The following SEPTIN3 variants were observed in gnomAD, a reference collection of about 807,000 sequenced individuals.
The protein encoded by SEPTIN3 is septin 3.
A neutral mutation model predicts 45.1 loss-of-function variants in SEPTIN3; 15 were observed. The observed-to-expected ratio is 0.33, with a 90% confidence interval of 0.22 to 0.51. The LOEUF is 0.51. Among genes scored for constraint, SEPTIN3 ranks in the 20% least tolerant of loss-of-function variants. SEPTIN3 has a pLI of 0.97. For synonymous variants in SEPTIN3, 148 were observed against 164.8 expected, an observed-to-expected ratio of 0.90 and a Z score of 0.78; for missense variants, 289 against 457.2, an observed-to-expected ratio of 0.63 and a Z score of 3.35.
chr22:41,996,389 C>T (rs1392197542), intron 11 of SEPTIN3: 2 of 985,798 alleles, frequency 2.0e-6, no homozygotes, highest in Non-Finnish European at 2.4e-6. Context: ...GTCCCATCTC[C>T]TGGTTCAGCC....
intron 2 of SEPTIN3, chr22:41,977,060 G>A: frequency 6.2e-7 from 1 of 1,601,998 alleles, no homozygotes; most frequent in African/African-American, 1.3e-5. Context: ...GACAAAGGAG[G>A]ATTCATGTCC....
intron 3 of SEPTIN3, among the ~76,000 whole-genome samples, chr22:41,983,882 G>A (rs545116323): frequency 6.6e-5 from 10 of 152,278 alleles, no homozygotes; most frequent in Middle Eastern, 3.4e-3. Context: ...CTCCTTGAGG[G>A]TAAGGATCAT....
At chr22:41,971,172 G>A (rs746465241) in intron 1 of SEPTIN3, among the ~76,000 whole-genome samples, 2 of 152,146 alleles carry the variant, frequency 1.3e-5, no homozygotes, top group Non-Finnish European at 2.9e-5. Flanking sequence ...AAAGGGAGAC[G>A]TAAGCCCAGC....
intron 11 of SEPTIN3, chr22:41,996,430 A>T: frequency 1.0e-6 from 1 of 987,008 alleles, no homozygotes; most frequent in Non-Finnish European, 1.2e-6. Context: ...TATGAATCCC[A>T]GCACTTATAA....
At chr22:41,975,698 C>T (rs769015840) in intron 2 of SEPTIN3, among the ~76,000 whole-genome samples, 12 of 152,186 alleles carry the variant, frequency 7.9e-5, no homozygotes, top group Non-Finnish European at 1.3e-4. Context: ...TTCCTCATCT[C>T]TCTCTTGCCA....
In SEPTIN3 at chr22:41,995,574, T is replaced by C. The variant is rs187983587; in HGVS notation, c.2505+860T>C. The stretch of plus-strand genomic sequence containing the variant: ...GTGTCTCTGACATCTCTCACTTCCT[T>C]TTAGATGAATCTACTTTAGGTTCAT... On this transcript the variant is annotated intron_variant, in intron 11 of 11. Coordinates refer to ENST00000644076, the MANE Select transcript of SEPTIN3 (RefSeq NM_001363845.2). 182 of 985,472 alleles carry C rather than the reference T, an allele frequency of 1.8e-4. 1 individual carries two copies. The highest frequency in any genetic ancestry group is 4.8e-6 in the Non-Finnish European group (4 of 829,924). 61.0% of individuals were successfully genotyped at this position (985,472 alleles called of 1,614,324 possible). A position where few individuals can be genotyped will look rare whatever the true frequency, so the allele number is the denominator to read the frequency against.
chr22:41,991,417 C>T (rs1168605327), intron 7 of SEPTIN3, among the ~76,000 whole-genome samples, 156 bp from the exon 8 acceptor site: 2 of 152,208 alleles, frequency 1.3e-5, no homozygotes, highest in East Asian at 3.9e-4. Context: ...TATTCACCAT[C>T]TTCCTGCTGC....
chr22:41,984,845 CT>C (rs11380985), intron 3 of SEPTIN3, among the ~76,000 whole-genome samples: 2,859 of 100,084 alleles, frequency 0.029, 19 homozygotes, highest in African/African-American at 0.089. Context: ...GTGGTTTTCC[CT>C]TTTTTTTTTT....
rs757324182 is a variant in SEPTIN3, at chr22:41,994,536, T to G, written c.2412-85T>G. On this transcript the variant is annotated intron_variant, in intron 10 of 11. Coordinates refer to ENST00000644076, the MANE Select transcript of SEPTIN3 (RefSeq NM_001363845.2). This position sits in a 1 kb window ranked among gnomAD's most constrained non-coding sequence, Gnocchi z 4.2. ...CTGGGAGTGGTTCCCATTCACTGGG[T>G]CCAGTCCCTCGAAGTGATGTGTGTC... 5.3e-5 allele frequency: 84 copies of G among 1,595,364 alleles called. No individual in the cohort carries two copies. Among genetic ancestry groups the G allele is most frequent in the Non-Finnish European group, 6.9e-5 (81 of 1,169,026 alleles).
chr22:41,980,558 A>G (rs1228152026), intron 2 of SEPTIN3, among the ~76,000 whole-genome samples: 1 of 152,148 alleles, frequency 6.6e-6, no homozygotes. Flanking sequence ...CAAGTCCACA[A>G]AGCTGAGAAG....
At chr22:41,978,086 C>T (rs1392236150) in intron 2 of SEPTIN3, among the ~76,000 whole-genome samples, 1 of 152,182 alleles carries the variant, frequency 6.6e-6, no homozygotes, top group Non-Finnish European at 1.5e-5. Flanking sequence ...CCTTGGGGAG[C>T]CCCCCTCCAA....
chr22:41,986,975 C>G (rs988524566), intron 4 of SEPTIN3, among the ~76,000 whole-genome samples: 8 of 151,756 alleles, frequency 5.3e-5, no homozygotes, highest in African/African-American at 1.9e-4. Context: ...GACCCTGTCT[C>G]TTAAAAAAAA....
In SEPTIN3 at chr22:41,976,619, G is replaced by A. The variant is rs1313547310; in HGVS notation, c.1504+3623G>A. ...GGGAGCAGGTCCAGCGGGGAGAGAC[G>A]GGACTGGGATGCAGGCACCTTTCCG... On this transcript the variant is annotated intron_variant, in intron 2 of 11. Transcript: ENST00000644076. This position sits in a 1 kb window ranked among gnomAD's most constrained non-coding sequence, Gnocchi z 5.8. 6.6e-6 allele frequency: 1 copy of A among 152,164 alleles called. No homozygotes were observed. Among genetic ancestry groups the A allele is most frequent in the Non-Finnish European group, 1.5e-5 (1 of 68,036 alleles). The allele number at this position is 152,164 out of a possible 1,614,324, so 9.4% of individuals were successfully genotyped here.
chr22:41,977,241 A>G lies in SEPTIN3; in HGVS notation c.1504+4245A>G, dbSNP rs536659446. Reference sequence around the variant, plus strand: ...GGTGGCACCCACCTCGAGAGAGACAATCTTGGAGAGAGGCAGACATAGGAC... The same window carrying G: ...GGTGGCACCCACCTCGAGAGAGACAGTCTTGGAGAGAGGCAGACATAGGAC... On this transcript the variant is annotated intron_variant, in intron 2 of 11. Transcript: ENST00000644076. Among the ~76,000 whole-genome samples, 9 of 152,050 alleles carry G rather than the reference A, an allele frequency of 5.9e-5. 1 individual carries two copies. The South Asian group carries it at 6.2e-4, about 11-fold the overall frequency.
At chr22:41,987,955 T>C (rs1353042150) in intron 6 of SEPTIN3, among the ~76,000 whole-genome samples, 196 bp downstream of exon 6, 1 of 152,148 alleles carries the variant, frequency 6.6e-6, no homozygotes, top group Admixed American at 6.5e-5. Flanking sequence ...GAAGTTTGAC[T>C]TTCTTGCTAG....
rs1249270233 is a variant in SEPTIN3, at chr22:41,976,943, AGC to A, written c.1504+3951_1504+3952del. On this transcript the variant is annotated intron_variant, in intron 2 of 11. Transcript: ENST00000644076. This position sits in a 1 kb window ranked among gnomAD's most constrained non-coding sequence, Gnocchi z 5.8. ...CCGCGGGCCGGGCGGGTGGGAGGAG[AGC>A]GCGAAGGGGCGAGGCCCGTTTGCAG... is the stretch of plus-strand genomic sequence containing the variant. 1.3e-6 allele frequency: 1 copy of A among 786,618 alleles called. No homozygotes were observed. The highest frequency in any genetic ancestry group is 1.7e-6 in the Non-Finnish European group (1 of 574,876). The allele number at this position is 786,618 out of a possible 1,614,324, so 48.7% of individuals were successfully genotyped here. A position where few individuals can be genotyped will look rare whatever the true frequency, so the allele number is the denominator to read the frequency against.
Position 41,992,678 on chromosome 22 carries a change from T to C in SEPTIN3, c.2274T>C (p.Pro758=). ...GCCCCGTGCAGCAGGAGAGCATGCC[T>C]TTTGCTGTGGTGGGAAGTGACAAGG... is the stretch of plus-strand genomic sequence containing the variant. ...ENDKIRQESM[P]FAVVGSDKEY... The change falls in exon 9 of 12, where the codon CCT becomes CCC. Residue 758 remains proline (P), a synonymous_variant. Coordinates refer to ENST00000644076, the MANE Select transcript of SEPTIN3 (RefSeq NM_001363845.2). 6.2e-7 allele frequency: 1 copy of C among 1,606,596 alleles called. No individual in the cohort carries two copies. Among genetic ancestry groups the C allele is most frequent in the East Asian group, 2.2e-5 (1 of 44,662 alleles).
intron 3 of SEPTIN3, among the ~76,000 whole-genome samples, chr22:41,982,891 C>CA (rs369512950): frequency 0.048 from 6,432 of 134,682 alleles, 353 homozygotes; most frequent in African/African-American, 0.14. Flanking sequence ...AACTCCATCT[C>CA]AAAAAAAAAA....
rs1398615760 is a variant in SEPTIN3 at position 41,998,208 on chromosome 22, T to A, written c.*1241T>A. 6.5e-6 allele frequency: 1 copy of A among 152,744 alleles called. No homozygotes were observed. Among genetic ancestry groups the A allele is most frequent in the Non-Finnish European group, 1.5e-5 (1 of 68,078 alleles). The allele number at this position is 152,744 out of a possible 1,614,324, so 9.5% of individuals were successfully genotyped here. On this transcript the variant is annotated 3_prime_UTR_variant, in exon 12 of 12. Transcript: ENST00000644076. The stretch of plus-strand genomic sequence containing the variant: ...TATGTGTTGTACAACTAAACATTGC[T>A]GTTTGAACAGTAACTGCCTGGCCTG...
Sources: gnomAD v4.1 joint callset for allele counts (sites outside exome capture counted in the v4.1 genomes callset) on GRCh38, gnomAD v4.1.1 for gene constraint, Gnocchi (gnomAD v3.1) non-coding constraint, MANE v1.5 for transcripts, NCBI Gene and HGNC (gene_info 2026-07-23, HGNC 2026-07-21) for gene names.